The following EYA1 variants were observed in gnomAD, a reference collection of about 807,000 sequenced individuals.
The protein encoded by EYA1 is protein phosphatase EYA1.
In EYA1, 16 loss-of-function variants were observed where a neutral mutation model predicts 82.0. The ratio of observed to expected loss-of-function variants is 0.20; its 90% CI spans 0.13 to 0.30. The LOEUF is 0.30. Ranked by LOEUF, EYA1 falls within the 10% of genes least tolerant of loss-of-function variation. The pLI is 1.00. For missense variants in EYA1, 633 were observed against 730.7 expected, an observed-to-expected ratio of 0.87 and a Z score of 1.54; for synonymous variants, 261 against 264.4, an observed-to-expected ratio of 0.99 and a Z score of 0.12.
At chr8:71,239,050 A>G (rs182208710) in intron 12 of EYA1, among the ~76,000 whole-genome samples, 1 of 152,224 alleles carries the variant, frequency 6.6e-6, no homozygotes, top group African/African-American at 2.4e-5. Context: ...ATATACTTTT[A>G]TATTTCTATT....
chr8:71,428,069 C>T (rs1198430058), intron 2 of EYA1, among the ~76,000 whole-genome samples: 1 of 151,786 alleles, frequency 6.6e-6, no homozygotes, highest in Non-Finnish European at 1.5e-5. Context: ...TCTGCATTGG[C>T]TCCTGACCAT....
chr8:71,220,151 A>G (rs972707453), intron 12 of EYA1, among the ~76,000 whole-genome samples: 12 of 152,172 alleles, frequency 7.9e-5, no homozygotes, highest in African/African-American at 2.7e-4. Flanking sequence ...TATATTCCTA[A>G]AAACCCTAAT....
chr8:71,375,630 A>G (rs1462888323), intron 2 of EYA1, among the ~76,000 whole-genome samples: 3 of 152,096 alleles, frequency 2.0e-5, no homozygotes, highest in African/African-American at 7.2e-5. Context: ...CCTCTACATA[A>G]CTTTTTTTTC....
At chr8:71,299,744 C>A (rs770613479) in intron 7 of EYA1, 24 bp from the exon 8 acceptor site, 5 of 1,187,652 alleles carry the variant, frequency 4.2e-6, no homozygotes, top group Non-Finnish European at 6.3e-6. Flanking sequence ...AAAAGAAATA[C>A]GATTATACCA....
chr8:71,371,429 C>T (rs1271820607), intron 2 of EYA1, among the ~76,000 whole-genome samples: 1 of 152,130 alleles, frequency 6.6e-6, no homozygotes, highest in Non-Finnish European at 1.5e-5. Context: ...AGACCAGCCC[C>T]AAAGGAAAGA....
At chr8:71,218,820 C>T (rs1405329505) in intron 12 of EYA1, among the ~76,000 whole-genome samples, 1 of 146,496 alleles carries the variant, frequency 6.8e-6, no homozygotes, top group East Asian at 2.0e-4. Flanking sequence ...GTGTGGTTAG[C>T]GTTGGGGGTG....
In EYA1 at chr8:71,414,569, T is replaced by C. The variant is rs78892931; in HGVS notation, c.34-58058A>G. ...GCACTAAAACTTTTACATTAAAACC[T>C]ACCTGCAATCCCTTCTCTGAGAGAT... is the stretch of plus-strand genomic sequence containing the variant. On this transcript the variant is annotated intron_variant, in intron 2 of 18. Coordinates refer to the EYA1 transcript ENST00000643681. Among the ~76,000 whole-genome samples the C allele has an allele frequency of 2.4e-4, 36 of 152,352 alleles. 1 individual carries two copies. In the East Asian group the frequency reaches 6.9e-3, roughly 29 times the overall value.
chr8:71,440,572 C>T (rs990235466), intron 2 of EYA1, among the ~76,000 whole-genome samples: 2 of 152,096 alleles, frequency 1.3e-5, no homozygotes. Context: ...ACATGCAAAA[C>T]ATTCAGGGAT....
At chr8:71,397,230 C>G (rs1161196632) in intron 2 of EYA1, among the ~76,000 whole-genome samples, 11 of 152,116 alleles carry the variant, frequency 7.2e-5, no homozygotes, top group South Asian at 6.2e-4. Context: ...GATGGGTCTT[C>G]ACTCTTTATC....
Position 71,303,302 on chromosome 8 carries a change from C to T in EYA1, c.557-3582G>A, listed in dbSNP as rs1375658705. Among the ~76,000 whole-genome samples, 6 of 98,350 alleles carry T rather than the reference C, an allele frequency of 6.1e-5. 1 individual carries two copies. The highest frequency in any genetic ancestry group is 3.8e-4 in the South Asian group (1 of 2,600). The allele number at this position is 98,350 out of a possible 152,430, so 64.5% of individuals were successfully genotyped here. On this transcript the variant is annotated intron_variant, in intron 7 of 17. Coordinates refer to ENST00000340726, the MANE Select transcript of EYA1 (RefSeq NM_000503.6). The stretch of plus-strand genomic sequence containing the variant: ...TGTGTTTATCAATCTCTGTGATGTA[C>T]GTACATTTGATATACACACACACAC...
chr8:71,403,530 CT>C (rs1374015016), intron 2 of EYA1: 1 of 152,120 alleles, frequency 6.6e-6, no homozygotes, highest in East Asian at 1.9e-4. Flanking sequence ...AGATTATATC[CT>C]ATTGACATAA....
intron 10 of EYA1, among the ~76,000 whole-genome samples, chr8:71,271,401 CT>C (rs1473429237): frequency 6.6e-6 from 1 of 151,990 alleles, no homozygotes; most frequent in African/African-American, 2.4e-5. Context: ...TTTTTTGTGC[CT>C]TTTAACAAGT....
upstream of EYA1, among the ~76,000 whole-genome samples, chr8:71,363,011 AT>A (rs1827526632): frequency 1.3e-5 from 2 of 152,186 alleles, no homozygotes; most frequent in African/African-American, 4.8e-5. Flanking sequence ...ACAAATGTTT[AT>A]TTTGATACTA....
intron 12 of EYA1, among the ~76,000 whole-genome samples, chr8:71,242,330 C>CTTTT (rs1300951019): frequency 1.1e-4 from 17 of 152,192 alleles, no homozygotes; most frequent in African/African-American, 3.9e-4. Context: ...TTCATTTATA[C>CTTTT]TTTTGTTAAT....
chr8:71,380,089 A>G (rs1015591831), intron 2 of EYA1, among the ~76,000 whole-genome samples: 1 of 152,200 alleles, frequency 6.6e-6, no homozygotes, highest in Non-Finnish European at 1.5e-5. Flanking sequence ...CCTCAGGATC[A>G]GTCCAGTATA....
intron 2 of EYA1, among the ~76,000 whole-genome samples, chr8:71,496,229 C>A (rs536563443): frequency 6.6e-6 from 1 of 152,280 alleles, no homozygotes; most frequent in Admixed American, 6.5e-5. Flanking sequence ...TGTAATAAAT[C>A]AGTTTGTGAA....
chr8:71,496,853 G>T (rs980602107), intron 2 of EYA1, among the ~76,000 whole-genome samples: 3 of 151,492 alleles, frequency 2.0e-5, no homozygotes, highest in African/African-American at 7.3e-5. Context: ...GAAAAAGCCT[G>T]GTATCTACCT....
At chr8:71,523,256 G>A (rs982054370) in intron 2 of EYA1, among the ~76,000 whole-genome samples, 32 of 136,860 alleles carry the variant, frequency 2.3e-4, no homozygotes, top group Admixed American at 1.5e-3. Context: ...TCGGCTCACT[G>A]CAAGCTCCGC....
intron 17 of EYA1, among the ~76,000 whole-genome samples, chr8:71,207,849 AAAG>A (rs770849743): frequency 3.2e-4 from 36 of 113,690 alleles, no homozygotes; most frequent in Non-Finnish European, 6.1e-4. Context: ...ACTTTTGTAC[AAAG>A]AAGGATTTTC....
Sources: gnomAD v4.1 joint callset for allele counts (sites outside exome capture counted in the v4.1 genomes callset) on GRCh38, gnomAD v4.1.1 for gene constraint, MANE v1.5 for transcripts, NCBI Gene and HGNC (gene_info 2026-07-23, HGNC 2026-07-21) for gene names.